Variants in CIMAP1D observed in about 807,000 individuals in gnomAD.
CIMAP1D encodes the protein CIMAP1 family member D, also known as protein CIMAP1D.
At chr19:489,144 G>A in the CIMAP1D span, 1 of 148,178 alleles carries the variant, frequency 6.7e-6, no homozygotes, top group East Asian at 2.0e-4. Context: ...GGCGGGGTGG[G>A]TGCGCGCGCA....
chr19:474,629 A>G, the CIMAP1D span: 2 of 1,564,184 alleles, frequency 1.3e-6, no homozygotes, highest in East Asian at 2.4e-5. Flanking sequence ...ACCGTTCTCC[A>G]GGGTGGCCGT....
chr19:484,298 G>A, the CIMAP1D span, among the ~76,000 whole-genome samples: 7 of 151,834 alleles, frequency 4.6e-5, no homozygotes, highest in African/African-American at 1.2e-4. Flanking sequence ...GCGCCACCAC[G>A]CCCGGCTAAT....
At chr19:484,643 G>A in the CIMAP1D span, among the ~76,000 whole-genome samples, 52 of 152,224 alleles carry the variant, frequency 3.4e-4, no homozygotes, top group Admixed American at 1.6e-3. Flanking sequence ...GACATCTACG[G>A]GGTGTCTGGG....
chr19:477,398 A>G, the CIMAP1D span, among the ~76,000 whole-genome samples: 2 of 151,856 alleles, frequency 1.3e-5, no homozygotes, highest in African/African-American at 2.4e-5. Context: ...CCATGGTGAA[A>G]CCCCGTCTCT....
At chr19:489,929 A>G in the CIMAP1D span, 15,401 of 397,220 alleles carry the variant, frequency 0.039, 935 homozygotes, top group East Asian at 0.22. Context: ...GCGAACACCC[A>G]CATTTGGCCC....
the CIMAP1D span, among the ~76,000 whole-genome samples, chr19:481,145 G>T: frequency 1.8e-5 from 1 of 54,212 alleles, no homozygotes; most frequent in Non-Finnish European, 3.1e-5. Context: ...GGGGAAGGAT[G>T]ATGGGAAGGA....
At chr19:468,407 C>T in the CIMAP1D span, among the ~76,000 whole-genome samples, 1 of 152,084 alleles carries the variant, frequency 6.6e-6, no homozygotes, top group Non-Finnish European at 1.5e-5. Context: ...ACAAGAGCGA[C>T]TAGGCTCTGA....
At chr19:488,091 T>C in the CIMAP1D span, among the ~76,000 whole-genome samples, 1 of 152,162 alleles carries the variant, frequency 6.6e-6, no homozygotes, top group South Asian at 2.1e-4. Flanking sequence ...GGGACAGGAA[T>C]TGCTCACTCG....
chr19:489,980 G>T, the CIMAP1D span: 2 of 398,476 alleles, frequency 5.0e-6, no homozygotes, highest in Non-Finnish European at 8.9e-6. Context: ...GTCCCCAGAA[G>T]CGGAGCGGGA....
chr19:469,641 A>G, the CIMAP1D span, among the ~76,000 whole-genome samples: 1 of 152,070 alleles, frequency 6.6e-6, no homozygotes, highest in South Asian at 2.1e-4. Flanking sequence ...CCGTGAGCCG[A>G]GATCGCACCA....
chr19:468,707 C>T, the CIMAP1D span, among the ~76,000 whole-genome samples: 2 of 152,206 alleles, frequency 1.3e-5, no homozygotes, highest in African/African-American at 2.4e-5. Flanking sequence ...TGTGTAGCAG[C>T]GTGACCGGTG....
At chr19:476,123 C>G in the CIMAP1D span, among the ~76,000 whole-genome samples, 1 of 150,930 alleles carries the variant, frequency 6.6e-6, no homozygotes, top group South Asian at 2.1e-4. Context: ...CTCAGCCTCT[C>G]GAGTAGCTGG....
At chr19:476,062 G>A in the CIMAP1D span, among the ~76,000 whole-genome samples, 150 of 137,348 alleles carry the variant, frequency 1.1e-3, 2 homozygotes, top group East Asian at 0.027. Context: ...GCAGTGGCGC[G>A]ATCTCGGCTC....
chr19:488,965 C>G, the CIMAP1D span, among the ~76,000 whole-genome samples: 1 of 152,040 alleles, frequency 6.6e-6, no homozygotes, highest in Non-Finnish European at 1.5e-5. Flanking sequence ...CCGCGCCGCC[C>G]GCCCCAAGCC....
the CIMAP1D span, chr19:489,651 G>C: frequency 5.4e-6 from 1 of 186,196 alleles, no homozygotes; most frequent in African/African-American, 2.3e-5. Flanking sequence ...TGCAGGCCAG[G>C]ATCTCCCCCT....
the CIMAP1D span, among the ~76,000 whole-genome samples, chr19:467,187 G>A: frequency 4.7e-5 from 7 of 147,666 alleles, no homozygotes; most frequent in Non-Finnish European, 1.0e-4. Context: ...TGAATGGATG[G>A]ACGGGTGGAA....
the CIMAP1D span, among the ~76,000 whole-genome samples, chr19:488,454 G>A: frequency 4.6e-5 from 7 of 152,198 alleles, no homozygotes; most frequent in African/African-American, 1.7e-4. Flanking sequence ...CCCGGGAGGC[G>A]GAGCTTGCGG....
At chr19:474,584 G>A in the CIMAP1D span, 1 of 1,465,056 alleles carries the variant, frequency 6.8e-7, no homozygotes, top group Non-Finnish European at 9.1e-7. Context: ...AGTGGAGCAG[G>A]AAAAGGTCCC....
At chr19:468,210 T>A in the CIMAP1D span, among the ~76,000 whole-genome samples, 2 of 152,064 alleles carry the variant, frequency 1.3e-5, no homozygotes, top group South Asian at 4.2e-4. Flanking sequence ...TACTAAAAAT[T>A]TAAAACTTAG....
Sources: allele counts gnomAD v4.1 joint callset (sites outside exome capture counted in the v4.1 genomes callset), GRCh38; gene constraint gnomAD v4.1.1; transcripts MANE v1.5; gene names NCBI Gene and HGNC (gene_info 2026-07-23, HGNC 2026-07-21).